The following RALYL variants were observed in gnomAD, a reference collection of about 807,000 sequenced individuals.
The protein encoded by RALYL is RNA-binding Raly-like protein.
Under a neutral mutation model 35.1 loss-of-function variants are expected in RALYL, and 29 were observed. That is an observed-to-expected ratio of 0.83 (90% CI 0.61 to 1.13). The LOEUF is 1.13. RALYL is among the 50% of genes most tolerant of loss of function. The probability of loss-of-function intolerance (pLI) is 0.00; values close to 1 mark genes in which losing one functional copy is unlikely to be tolerated. For synonymous variants in RALYL, 120 were observed against 127.6 expected, an observed-to-expected ratio of 0.94 and a Z score of 0.40; for missense variants, 359 against 360.4, an observed-to-expected ratio of 1.00 and a Z score of 0.03.
intron 2 of RALYL, among the ~76,000 whole-genome samples, chr8:84,563,860 A>T (rs2061613575): frequency 6.6e-6 from 1 of 151,648 alleles, no homozygotes; most frequent in African/African-American, 2.4e-5. Context: ...TAATTTTTAC[A>T]TTTAAGGAAC....
intron 2 of RALYL, among the ~76,000 whole-genome samples, chr8:84,561,764 A>G (rs1328139394): frequency 6.6e-6 from 1 of 151,968 alleles, no homozygotes; most frequent in Non-Finnish European, 1.5e-5. Flanking sequence ...TGGATACACT[A>G]GACATAGGGA....
chr8:84,644,779 T>C (rs1827129945), intron 2 of RALYL, among the ~76,000 whole-genome samples: 1 of 151,834 alleles, frequency 6.6e-6, no homozygotes, highest in East Asian at 1.9e-4. Flanking sequence ...TGAGACAGAG[T>C]CTTGCTCTCT....
At chr8:84,865,850 A>G (rs917080230) in intron 6 of RALYL, among the ~76,000 whole-genome samples, 2 of 152,212 alleles carry the variant, frequency 1.3e-5, no homozygotes, top group African/African-American at 4.8e-5. Context: ...AATAGGTGAC[A>G]AACTAATATA....
At chr8:84,401,510 C>A (rs370967204) in intron 1 of RALYL, among the ~76,000 whole-genome samples, 1 of 151,382 alleles carries the variant, frequency 6.6e-6, no homozygotes, top group Non-Finnish European at 1.5e-5. Flanking sequence ...CGGTGGCGGG[C>A]GCCTGTAATC....
chr8:84,418,809 C>G (rs73306322), intron 1 of RALYL, among the ~76,000 whole-genome samples: 2 of 152,136 alleles, frequency 1.3e-5, no homozygotes, highest in Non-Finnish European at 2.9e-5. Context: ...GTTTGTCTCC[C>G]TCCACAAACC....
chr8:84,745,810 T>G (rs988125574), intron 2 of RALYL, among the ~76,000 whole-genome samples: 6 of 152,052 alleles, frequency 3.9e-5, no homozygotes, highest in African/African-American at 1.4e-4. Context: ...CTCCTTTCCA[T>G]ATCCCTTGGG....
chr8:84,763,316 C>T lies in RALYL; in HGVS notation c.257-11263C>T, dbSNP rs528826025. Among the ~76,000 whole-genome samples, 3 of 152,288 alleles carry T rather than the reference C, an allele frequency of 2.0e-5. No homozygotes were observed. The South Asian group carries it at 6.2e-4, about 32-fold the overall frequency. On this transcript the variant is annotated intron_variant, in intron 2 of 8. Coordinates refer to ENST00000521268, the MANE Select transcript of RALYL (RefSeq NM_173848.7). Reference sequence around the variant, plus strand: ...GAGAGTTCTCAAGGAAACTGATGATCCCGACTTTCTGTTGGTTGAATGTTA... The same window carrying T: ...GAGAGTTCTCAAGGAAACTGATGATTCCGACTTTCTGTTGGTTGAATGTTA...
chr8:84,541,746 A>T lies in RALYL; in HGVS notation c.256+12169A>T, dbSNP rs555965460. Among the ~76,000 whole-genome samples, 146 of 152,228 alleles carry T rather than the reference A, an allele frequency of 9.6e-4. 2 individuals are homozygous for T. In the South Asian group the frequency reaches 0.03, roughly 31 times the overall value. ...ATATTTGAAGCAATATTTAGTAAATACAAACTTGGAATTGGTGTATCTTCC... is the reference window on the plus strand; with the variant it reads ...ATATTTGAAGCAATATTTAGTAAATTCAAACTTGGAATTGGTGTATCTTCC... On this transcript the variant is annotated intron_variant, in intron 2 of 8. Coordinates refer to ENST00000521268, the MANE Select transcript of RALYL (RefSeq NM_173848.7).
chr8:84,244,625 T>A (rs960302073), intron 1 of RALYL, among the ~76,000 whole-genome samples: 1 of 152,218 alleles, frequency 6.6e-6, no homozygotes, highest in Non-Finnish European at 1.5e-5. Flanking sequence ...GCACCTCATT[T>A]CCAGGTCTTA....
At chr8:84,208,329 C>A (rs1468390785) in intron 1 of RALYL, among the ~76,000 whole-genome samples, 1 of 152,132 alleles carries the variant, frequency 6.6e-6, no homozygotes, top group African/African-American at 2.4e-5. Context: ...TTCTTTGTGT[C>A]TAAGTATATC....
In RALYL at chr8:84,646,693, G is replaced by A. The variant is rs561960680; in HGVS notation, c.256+117116G>A. On this transcript the variant is annotated intron_variant, in intron 2 of 8. Coordinates refer to ENST00000521268, the MANE Select transcript of RALYL (RefSeq NM_173848.7). ...GTGTTTTGATTGCAGTGTTGTGGGC[G>A]GAGGGATTGGAGTGTTTTATTCCTT... is the stretch of plus-strand genomic sequence containing the variant. Among the ~76,000 whole-genome samples the A allele has an allele frequency of 1.9e-4, 29 of 152,028 alleles. No homozygotes were observed. In the South Asian group the frequency reaches 2.9e-3, roughly 15 times the overall value.
intron 1 of RALYL, among the ~76,000 whole-genome samples, chr8:84,268,703 G>A (rs1833765762): frequency 6.6e-6 from 1 of 152,142 alleles, no homozygotes; most frequent in Non-Finnish European, 1.5e-5. Flanking sequence ...TACTGAGAGT[G>A]ATTGTTTTAT....
At chr8:84,410,499 A>T (rs548478815) in intron 1 of RALYL, among the ~76,000 whole-genome samples, 15 of 151,958 alleles carry the variant, frequency 9.9e-5, no homozygotes, top group African/African-American at 3.1e-4. Flanking sequence ...TTATTTCTTT[A>T]AAAAAATCCC....
chr8:84,800,373 G>A (rs898185845), intron 3 of RALYL, among the ~76,000 whole-genome samples: 6 of 152,122 alleles, frequency 3.9e-5, no homozygotes, highest in Admixed American at 6.5e-5. Flanking sequence ...GTATCATGAC[G>A]TTTAAATAAA....
chr8:84,471,032 C>A (rs567407467), intron 1 of RALYL, among the ~76,000 whole-genome samples: 1 of 152,252 alleles, frequency 6.6e-6, no homozygotes, highest in East Asian at 1.9e-4. Context: ...TGCCTCTTTT[C>A]TGTAACATTG....
rs552349921 is a variant in RALYL, at chr8:84,286,092, C to T, written c.-24+101668C>T. On this transcript the variant is annotated intron_variant, in intron 1 of 8. Coordinates refer to ENST00000521268, the MANE Select transcript of RALYL (RefSeq NM_173848.7). ...TTGACAGTTTAACTGGTGGGGTTTG[C>T]TGATGATTGAGTTTATGGTATGAGA... is the stretch of plus-strand genomic sequence containing the variant. Among the ~76,000 whole-genome samples the T allele has an allele frequency of 2.0e-5, 3 of 151,996 alleles. No homozygotes were observed. In the South Asian group the frequency reaches 6.2e-4, roughly 32 times the overall value.
At chr8:84,505,964 CT>C (rs2057133226) in intron 1 of RALYL, among the ~76,000 whole-genome samples, 1 of 151,980 alleles carries the variant, frequency 6.6e-6, no homozygotes, top group Non-Finnish European at 1.5e-5. Context: ...GATTTTTGTA[CT>C]TTCCTTACAC....
At chr8:84,622,235 C>T (rs903613817) in intron 2 of RALYL, among the ~76,000 whole-genome samples, 7 of 152,078 alleles carry the variant, frequency 4.6e-5, no homozygotes, top group African/African-American at 1.7e-4. Context: ...TGGTAATAAC[C>T]TGGTAGAGAG....
intron 1 of RALYL, among the ~76,000 whole-genome samples, chr8:84,380,489 G>A (rs1857760682): frequency 6.6e-6 from 1 of 151,768 alleles, no homozygotes; most frequent in Admixed American, 6.6e-5. Flanking sequence ...TAGGTCATGA[G>A]GCTCCTGGCC....
Sources: allele counts gnomAD v4.1 joint callset (sites outside exome capture counted in the v4.1 genomes callset), GRCh38; gene constraint gnomAD v4.1.1; transcripts MANE v1.5; gene names NCBI Gene and HGNC (gene_info 2026-07-23, HGNC 2026-07-21).